Variants in MARCHF4 observed in about 807,000 individuals in gnomAD.
MARCHF4 encodes E3 ubiquitin-protein ligase MARCHF4.
MARCHF4 carries 14 observed loss-of-function variants against 43.9 expected under a neutral mutation model. That is an observed-to-expected ratio of 0.32 (90% CI 0.21 to 0.50). The LOEUF is 0.50. Among genes scored for constraint, MARCHF4 ranks in the 20% least tolerant of loss-of-function variants. MARCHF4 has a pLI of 0.98. For missense variants in MARCHF4, 468 were observed against 536.7 expected (o/e 0.87, Z 1.27); for synonymous variants, 226 against 213.3 (o/e 1.06, Z -0.52).
chr2:216,274,322 T>C (rs1186995448), intron 3 of MARCHF4, among the ~76,000 whole-genome samples: 1 of 152,182 alleles, frequency 6.6e-6, no homozygotes. Flanking sequence ...TACATTGCCC[T>C]GAGTGAATCT....
intron 1 of MARCHF4, among the ~76,000 whole-genome samples, chr2:216,341,891 C>T (rs1692243509): frequency 6.6e-6 from 1 of 152,130 alleles, no homozygotes. Context: ...CACCAACCAG[C>T]ACAGAAGGAC....
chr2:216,317,571 G>A (rs62181076), intron 1 of MARCHF4, among the ~76,000 whole-genome samples: 19,410 of 151,954 alleles, frequency 0.13, 1,419 homozygotes, highest in South Asian at 0.27. Flanking sequence ...AAGCCACAAC[G>A]CCTGGCTAAT....
intron 1 of MARCHF4, among the ~76,000 whole-genome samples, chr2:216,345,333 T>G (rs1692302760): frequency 6.6e-6 from 1 of 150,690 alleles, no homozygotes; most frequent in Non-Finnish European, 1.5e-5. Context: ...GAACACAAAC[T>G]ATTATACCCT....
chr2:216,301,803 T>G (rs1244217580), intron 1 of MARCHF4, among the ~76,000 whole-genome samples: 2 of 152,244 alleles, frequency 1.3e-5, no homozygotes, highest in Non-Finnish European at 2.9e-5. Flanking sequence ...AACCTCTTGG[T>G]GCCTTAGTTT....
chr2:216,370,968 G>C lies in MARCHF4; in HGVS notation c.-708C>G, dbSNP rs1196096994. On this transcript the variant is annotated 5_prime_UTR_variant, in exon 1 of 4. Coordinates refer to ENST00000273067, the MANE Select transcript of MARCHF4 (RefSeq NM_020814.3). ...GTTGCTTTTAAGAGAGCAGTTGGGT[G>C]GGGGAGGGGTGTTGCAGGTGAAACT... 1 of 152,168 alleles carries C rather than the reference G, an allele frequency of 6.6e-6. No homozygotes were observed. The highest frequency in any genetic ancestry group is 2.4e-5 in the African/African-American group (1 of 41,432). 9.4% of individuals were successfully genotyped at this position (152,168 alleles called of 1,614,324 possible). A position where few individuals can be genotyped will look rare whatever the true frequency, so the allele number is the denominator to read the frequency against.
intron 1 of MARCHF4, among the ~76,000 whole-genome samples, chr2:216,299,128 C>T (rs954482866): frequency 6.6e-6 from 1 of 151,846 alleles, no homozygotes. Context: ...TTTTTCCCTA[C>T]CTTTCTTTGC....
Position 216,370,420 on chromosome 2 carries a change from C to T in MARCHF4, c.-160G>A, listed in dbSNP as rs1046085606. 2 of 570,964 alleles carry T rather than the reference C, an allele frequency of 3.5e-6. No individual in the cohort carries two copies. Among genetic ancestry groups the T allele is most frequent in the South Asian group, 2.7e-5 (1 of 37,020 alleles). The allele number at this position is 570,964 out of a possible 1,614,324, so 35.4% of individuals were successfully genotyped here. ...CCTCCAAGTAGCAAATAAATTGCTC[C>T]CAGGACTGAGAAGTGTGAGTCACTG... is the stretch of plus-strand genomic sequence containing the variant. On this transcript the variant is annotated 5_prime_UTR_variant, in exon 1 of 4. Coordinates refer to ENST00000273067, the MANE Select transcript of MARCHF4 (RefSeq NM_020814.3).
At chr2:216,290,298 T>C (rs1413584441) in intron 1 of MARCHF4, among the ~76,000 whole-genome samples, 1 of 152,072 alleles carries the variant, frequency 6.6e-6, no homozygotes, top group Non-Finnish European at 1.5e-5. Context: ...TACAGTTATT[T>C]GGGGGCTGAG....
intron 1 of MARCHF4, among the ~76,000 whole-genome samples, chr2:216,320,842 T>C (rs1275514175): frequency 6.8e-6 from 1 of 148,064 alleles, no homozygotes; most frequent in African/African-American, 2.5e-5. Context: ...GGCTTTTTTT[T>C]TTTTTTTTTT....
intron 1 of MARCHF4, among the ~76,000 whole-genome samples, chr2:216,301,864 G>A (rs1691497630): frequency 1.3e-5 from 2 of 152,118 alleles, no homozygotes; most frequent in Admixed American, 1.3e-4. Context: ...TAAGGCTTTT[G>A]GAAAGAATAA....
chr2:216,314,887 C>T (rs1166633649), intron 1 of MARCHF4, among the ~76,000 whole-genome samples: 1 of 152,068 alleles, frequency 6.6e-6, no homozygotes, highest in East Asian at 1.9e-4. Flanking sequence ...AATATTTTTA[C>T]AACCATGGAA....
At chr2:216,308,292 G>C (rs961919699) in intron 1 of MARCHF4, among the ~76,000 whole-genome samples, 1 of 152,048 alleles carries the variant, frequency 6.6e-6, no homozygotes, top group Non-Finnish European at 1.5e-5. Flanking sequence ...TGTAGTCCCA[G>C]CTAGCTGAGA....
chr2:216,332,667 AC>A (rs1293726802), intron 1 of MARCHF4, among the ~76,000 whole-genome samples: 1 of 152,206 alleles, frequency 6.6e-6, no homozygotes, highest in African/African-American at 2.4e-5. Flanking sequence ...AAACTATAAA[AC>A]TTTGCTGAGA....
intron 3 of MARCHF4, among the ~76,000 whole-genome samples, chr2:216,262,497 T>C (rs1235052559): frequency 6.6e-6 from 1 of 152,112 alleles, no homozygotes; most frequent in African/African-American, 2.4e-5. Context: ...TAATGAAAAG[T>C]GGAAAGTGAG....
chr2:216,357,266 T>C (rs1383191273), intron 1 of MARCHF4, among the ~76,000 whole-genome samples: 1 of 152,188 alleles, frequency 6.6e-6, no homozygotes, highest in Non-Finnish European at 1.5e-5. Flanking sequence ...TATATCACCT[T>C]AGACTCTTCC....
chr2:216,288,455 C>T (rs1018098126), intron 1 of MARCHF4, among the ~76,000 whole-genome samples: 2 of 152,088 alleles, frequency 1.3e-5, no homozygotes, highest in African/African-American at 2.4e-5. Context: ...AGGGAACGAC[C>T]GCCTAAAGAA....
intron 1 of MARCHF4, among the ~76,000 whole-genome samples, chr2:216,284,582 C>T (rs1691189175): frequency 6.6e-6 from 1 of 152,162 alleles, no homozygotes; most frequent in Admixed American, 6.5e-5. Flanking sequence ...CCTCTGGCCT[C>T]GGCCTCCCAA....
At chr2:216,273,569 C>A (rs1205083617) in intron 3 of MARCHF4, among the ~76,000 whole-genome samples, 1 of 152,210 alleles carries the variant, frequency 6.6e-6, no homozygotes, top group Non-Finnish European at 1.5e-5. Flanking sequence ...ATCCCTTCCA[C>A]CCACTCTCTG....
intron 1 of MARCHF4, among the ~76,000 whole-genome samples, chr2:216,337,804 T>G (rs537113778): frequency 4.6e-5 from 7 of 152,278 alleles, no homozygotes; most frequent in African/African-American, 1.7e-4. Context: ...TTGGAGACTG[T>G]TTTTTAACAC....
Sources: allele counts gnomAD v4.1 joint callset (sites outside exome capture counted in the v4.1 genomes callset), GRCh38; gene constraint gnomAD v4.1.1; transcripts MANE v1.5; gene names NCBI Gene and HGNC (gene_info 2026-07-23, HGNC 2026-07-21).